GLRA3: variants seen among roughly 807,000 people sequenced by gnomAD.
GLRA3 encodes glycine receptor alpha 3, also known as glycine receptor subunit alpha-3.
Under a neutral mutation model 60.4 loss-of-function variants are expected in GLRA3, and 44 were observed. The observed-to-expected ratio is 0.73, with a 90% confidence interval of 0.57 to 0.94. The LOEUF (loss-of-function observed/expected upper bound fraction) is 0.94. Among genes scored for constraint, GLRA3 ranks in the 40% least tolerant of loss-of-function variants. The pLI is 0.00. For missense variants in GLRA3, 508 were observed against 564.6 expected, an observed-to-expected ratio of 0.90 and a Z score of 1.02; for synonymous variants, 223 against 192.9, an observed-to-expected ratio of 1.16 and a Z score of -1.29.
intron 9 of GLRA3, among the ~76,000 whole-genome samples, chr4:174,650,725 T>A (rs1732994053): frequency 6.6e-6 from 1 of 152,128 alleles, no homozygotes; most frequent in Admixed American, 6.6e-5. Context: ...CTGAAGTGTA[T>A]CATGTCCATG....
chr4:174,759,912 A>C lies in GLRA3; in HGVS notation c.267+7051T>G, dbSNP rs1737873906. ...CAAGAAAGCAAAACTCTTTTATCAG[A>C]TAGTATAAGAAAATATCTTTATGCA... is the stretch of plus-strand genomic sequence containing the variant. On this transcript the variant is annotated intron_variant, in intron 3 of 9. Transcript: ENST00000274093. Among the ~76,000 whole-genome samples the C allele has an allele frequency of 1.3e-5, 2 of 152,194 alleles. 1 individual carries two copies. The highest frequency in any genetic ancestry group is 4.1e-4 in the South Asian group (2 of 4,836).
rs1159002771 is a variant in GLRA3, at chr4:174,781,171, C to T, written c.199+7645G>A. On this transcript the variant is annotated intron_variant, in intron 2 of 9. Coordinates refer to ENST00000274093, the MANE Select transcript of GLRA3 (RefSeq NM_006529.4). The stretch of plus-strand genomic sequence containing the variant: ...CAGGATTAAGAATCTCACTCAAAAC[C>T]GCTCAACTACATAGAAACTGAACAA... Among the ~76,000 whole-genome samples, 13 of 152,094 alleles carry T rather than the reference C, an allele frequency of 8.5e-5. No homozygotes were observed. In the South Asian group the frequency reaches 1.5e-3, roughly 17 times the overall value.
chr4:174,744,955 C>G (rs993006372), intron 3 of GLRA3, among the ~76,000 whole-genome samples: 2 of 152,132 alleles, frequency 1.3e-5, no homozygotes, highest in African/African-American at 4.8e-5. Flanking sequence ...GGATAGCTAT[C>G]TTAGTGAAGA....
intron 3 of GLRA3, among the ~76,000 whole-genome samples, chr4:174,750,123 T>C (rs905552156): frequency 1.3e-5 from 2 of 151,962 alleles, no homozygotes; most frequent in Non-Finnish European, 2.9e-5. Flanking sequence ...GGAAGAGAAG[T>C]TTTGTATCCT....
chr4:174,728,933 A>C lies in GLRA3; in HGVS notation c.268-235T>G, dbSNP rs552398179. ...TAAACCTAAAACTCCTCTAAAAAAT[A>C]AAGTCTTATAAAAAAGAGTTTTGGA... On this transcript the variant is annotated intron_variant, in intron 3 of 9. Transcript: ENST00000274093. Among the ~76,000 whole-genome samples, 4 of 152,286 alleles carry C rather than the reference A, an allele frequency of 2.6e-5. No individual in the cohort carries two copies. The East Asian group carries it at 5.8e-4, about 22-fold the overall frequency.
intron 3 of GLRA3, among the ~76,000 whole-genome samples, chr4:174,732,944 T>G (rs759568304): frequency 6.6e-6 from 1 of 152,190 alleles, no homozygotes; most frequent in African/African-American, 2.4e-5. Flanking sequence ...TATACAGGTA[T>G]CTTTAATATT....
chr4:174,820,558 G>A (rs1162863081), intron 1 of GLRA3, among the ~76,000 whole-genome samples: 1 of 152,114 alleles, frequency 6.6e-6, no homozygotes, highest in Non-Finnish European at 1.5e-5. Context: ...GGCACACAGA[G>A]GAAGCATCCT....
chr4:174,672,388 C>A (rs973350287), intron 7 of GLRA3, among the ~76,000 whole-genome samples: 2 of 152,028 alleles, frequency 1.3e-5, no homozygotes, highest in Middle Eastern at 3.2e-3. Context: ...CTTTTTCTTT[C>A]TTCCTCTCCA....
rs1187626519 is a variant in GLRA3, at chr4:174,775,302, C to A, written c.200-8272G>T. Among the ~76,000 whole-genome samples, 3 of 151,898 alleles carry A rather than the reference C, an allele frequency of 2.0e-5. No individual in the cohort carries two copies. The East Asian group carries it at 5.8e-4, about 29-fold the overall frequency. On this transcript the variant is annotated intron_variant, in intron 2 of 9. Coordinates refer to ENST00000274093, the MANE Select transcript of GLRA3 (RefSeq NM_006529.4). ...GAGACCTTTAAAATGCTAACATTTA[C>A]CCTAATAAAAATGCATGTAGAAAAT...
intron 5 of GLRA3, among the ~76,000 whole-genome samples, chr4:174,711,699 T>C (rs10213402): frequency 0.73 from 110,849 of 151,934 alleles, 41,044 homozygotes; most frequent in South Asian, 0.83. Flanking sequence ...CTCAGCCTCC[T>C]AAAATGCTGG....
intron 4 of GLRA3, among the ~76,000 whole-genome samples, chr4:174,725,552 C>A (rs768050441): frequency 2.6e-5 from 4 of 152,178 alleles, no homozygotes; most frequent in Non-Finnish European, 5.9e-5. Flanking sequence ...GCGATCTGGG[C>A]TCACTGCAAC....
In GLRA3 at chr4:174,724,238, T is replaced by G. The variant is rs909782526; in HGVS notation, c.491+4237A>C. Among the ~76,000 whole-genome samples the G allele has an allele frequency of 3.9e-5, 6 of 152,156 alleles. No homozygotes were observed. In the East Asian group the frequency reaches 1.2e-3, roughly 29 times the overall value. ...TTAGTGAACATATATAGGCCCTTTTTTGTTGCTATTTCAGTGTTTCAGTGG... is the reference window on the plus strand; with the variant it reads ...TTAGTGAACATATATAGGCCCTTTTGTGTTGCTATTTCAGTGTTTCAGTGG... On this transcript the variant is annotated intron_variant, in intron 4 of 9. Transcript: ENST00000274093.
chr4:174,732,087 T>A (rs562473441), intron 3 of GLRA3, among the ~76,000 whole-genome samples: 1 of 152,332 alleles, frequency 6.6e-6, no homozygotes, highest in East Asian at 1.9e-4. Context: ...CCAGGTGCAG[T>A]GGCTTATGCC....
chr4:174,767,062 T>G (rs928783654), intron 2 of GLRA3, 32 bp from the exon 3 acceptor site: 1 of 1,177,314 alleles, frequency 8.5e-7, no homozygotes, highest in Non-Finnish European at 1.3e-6. Context: ...AAGGGCTGTT[T>G]AGAGACTTAT....
intron 6 of GLRA3, among the ~76,000 whole-genome samples, chr4:174,680,910 G>T (rs1734317620): frequency 6.6e-6 from 1 of 152,142 alleles, no homozygotes; most frequent in Non-Finnish European, 1.5e-5. Flanking sequence ...AACATAAAAG[G>T]TATATGTGGT....
intron 3 of GLRA3, among the ~76,000 whole-genome samples, chr4:174,752,785 T>C (rs966712457): frequency 6.6e-6 from 1 of 152,128 alleles, no homozygotes; most frequent in Non-Finnish European, 1.5e-5. Context: ...TGTTAATATA[T>C]GTTATAAGCT....
intron 1 of GLRA3, among the ~76,000 whole-genome samples, chr4:174,810,579 A>C (rs1353610558): frequency 6.6e-6 from 1 of 152,110 alleles, no homozygotes; most frequent in African/African-American, 2.4e-5. Context: ...TTGGCAACCA[A>C]GGGAAACTTT....
chr4:174,657,159 T>C (rs1300553540), intron 8 of GLRA3, among the ~76,000 whole-genome samples: 1 of 152,178 alleles, frequency 6.6e-6, no homozygotes, highest in African/African-American at 2.4e-5. Context: ...TCAAATATTT[T>C]AATTTCACTT....
At chr4:174,805,036 A>G (rs1253679977) in intron 1 of GLRA3, among the ~76,000 whole-genome samples, 1 of 152,174 alleles carries the variant, frequency 6.6e-6, no homozygotes, top group Non-Finnish European at 1.5e-5. Context: ...CTATTGGCAC[A>G]GCTGTCGGCA....
Sources: gnomAD v4.1 joint callset for allele counts (sites outside exome capture counted in the v4.1 genomes callset) on GRCh38, gnomAD v4.1.1 for gene constraint, MANE v1.5 for transcripts, NCBI Gene and HGNC (gene_info 2026-07-23, HGNC 2026-07-21) for gene names.